TPCN1: variants seen among roughly 807,000 people sequenced by gnomAD.
The protein encoded by TPCN1 is two pore segment channel 1, also known as two pore channel protein 1.
A neutral mutation model predicts 108.8 loss-of-function variants in TPCN1; 52 were observed. That is an observed-to-expected ratio of 0.48 (90% CI 0.38 to 0.60). The LOEUF is 0.60. Among genes scored for constraint, TPCN1 ranks in the 20% least tolerant of loss-of-function variants. The pLI, the probability that TPCN1 is intolerant of heterozygous loss-of-function variation, is 0.00. For synonymous variants in TPCN1, 446 were observed against 433.7 expected (o/e 1.03, Z -0.35); for missense variants, 806 against 1,072.8 (o/e 0.75, Z 3.47).
intron 1 of TPCN1, among the ~76,000 whole-genome samples, chr12:113,223,657 C>T (rs374220971): frequency 9.9e-5 from 15 of 152,198 alleles, no homozygotes; most frequent in East Asian, 1.9e-4. Flanking sequence ...GATTCTCCTG[C>T]TTCAGGCTCC....
intron 3 of TPCN1, among the ~76,000 whole-genome samples, chr12:113,264,742 C>G (rs184878883): frequency 4.3e-4 from 65 of 152,122 alleles, no homozygotes; most frequent in Non-Finnish European, 8.5e-4. Flanking sequence ...CACATTGTAC[C>G]CCATATACAA....
intron 2 of TPCN1, among the ~76,000 whole-genome samples, chr12:113,253,204 G>T (rs911688509): frequency 2.0e-5 from 3 of 152,178 alleles, no homozygotes; most frequent in Admixed American, 6.5e-5. Flanking sequence ...GAGGGCTGTT[G>T]TAAGAACTAA....
chr12:113,256,159 G>T (rs182159648), intron 2 of TPCN1, among the ~76,000 whole-genome samples: 32 of 152,136 alleles, frequency 2.1e-4, no homozygotes, highest in Admixed American at 7.9e-4. Flanking sequence ...TTTTTGTAGA[G>T]ATAGGGTCTC....
intron 2 of TPCN1, among the ~76,000 whole-genome samples, chr12:113,256,411 T>C (rs1247061109): frequency 6.6e-6 from 1 of 152,120 alleles, no homozygotes; most frequent in Non-Finnish European, 1.5e-5. Context: ...ATTCTAAAGT[T>C]TATATGGAAG....
intron 18 of TPCN1, among the ~76,000 whole-genome samples, chr12:113,286,177 G>A (rs768550320): frequency 9.9e-5 from 15 of 152,162 alleles, no homozygotes; most frequent in East Asian, 1.9e-4. Context: ...CACCCACACC[G>A]TCCTTCTGGA....
In TPCN1 at chr12:113,232,849, A is replaced by G. The variant is rs1416375681; in HGVS notation, c.112+5885A>G. ...GTCCTGAACCCAGGCCACGATTCAGATCCTTCTTGCCTCACTCCTGGCACA... is the reference window on the plus strand; with the variant it reads ...GTCCTGAACCCAGGCCACGATTCAGGTCCTTCTTGCCTCACTCCTGGCACA... On this transcript the variant is annotated intron_variant, in intron 2 of 27. Coordinates refer to ENST00000335509, the MANE Select transcript of TPCN1 (RefSeq NM_017901.6). This position sits in a 1 kb window ranked among gnomAD's most constrained non-coding sequence, Gnocchi z 5.6. 6.6e-6 allele frequency among the ~76,000 whole-genome samples: 1 copy of G among 152,150 alleles called. No individual in the cohort carries two copies. The highest frequency in any genetic ancestry group is 1.5e-5 in the Non-Finnish European group (1 of 68,030).
chr12:113,261,353 C>T (rs549047919), intron 3 of TPCN1, among the ~76,000 whole-genome samples: 1 of 141,754 alleles, frequency 7.1e-6, no homozygotes, highest in African/African-American at 2.6e-5. Context: ...ATCTGTTTTC[C>T]AAAAAAGTCA....
intron 1 of TPCN1, among the ~76,000 whole-genome samples, chr12:113,224,974 C>A (rs1384755262): frequency 6.6e-6 from 1 of 151,962 alleles, no homozygotes; most frequent in Admixed American, 6.6e-5. Flanking sequence ...TGGTCTTGAA[C>A]TCCTGAGCTC....
intron 10 of TPCN1, among the ~76,000 whole-genome samples, chr12:113,274,568 G>A (rs946402086): frequency 1.3e-5 from 2 of 152,200 alleles, no homozygotes; most frequent in African/African-American, 4.8e-5. Context: ...TTTGCGGTTG[G>A]TTGAATGCAT....
chr12:113,240,027 C>T (rs915151005), intron 2 of TPCN1, among the ~76,000 whole-genome samples: 5 of 152,032 alleles, frequency 3.3e-5, no homozygotes, highest in African/African-American at 1.2e-4. Flanking sequence ...CTGTGACTCT[C>T]GAGGGGCCTC....
intron 2 of TPCN1, among the ~76,000 whole-genome samples, chr12:113,254,474 T>G (rs1482215021): frequency 1.3e-5 from 2 of 152,202 alleles, no homozygotes; most frequent in East Asian, 3.8e-4. Context: ...ACATCATGAC[T>G]AGGGGGACTT....
chr12:113,235,081 A>G (rs1953833999), intron 2 of TPCN1, among the ~76,000 whole-genome samples: 1 of 152,218 alleles, frequency 6.6e-6, no homozygotes, highest in African/African-American at 2.4e-5. Context: ...TTCCTCTTCC[A>G]GTGGCTTCCA....
chr12:113,271,037 C>T (rs184423227), intron 7 of TPCN1, among the ~76,000 whole-genome samples: 3 of 152,178 alleles, frequency 2.0e-5, no homozygotes, highest in Admixed American at 6.5e-5. Context: ...GCAGGCAGAT[C>T]GCTTGAGTCC....
Position 113,269,232 on chromosome 12 carries a change from A to C in TPCN1, c.659+360A>C, listed in dbSNP as rs556713850. Among the ~76,000 whole-genome samples the C allele has an allele frequency of 6.6e-6, 1 of 152,306 alleles. No homozygotes were observed. The highest frequency in any genetic ancestry group is 1.9e-4 in the East Asian group (1 of 5,192). ...CATCGAGGCTGTAGGACCAAACTCA[A>C]ACCAGACCAAGCCTCGACTGAGATT... On this transcript the variant is annotated intron_variant, in intron 6 of 27. Transcript: ENST00000335509. This position sits in a 1 kb window ranked among gnomAD's most constrained non-coding sequence, Gnocchi z 5.0.
Position 113,285,943 on chromosome 12 carries a change from T to G in TPCN1, c.1508T>G (p.Leu503Trp), listed in dbSNP as rs1395372016. ...GCCGGCCTGGGCCCTGTGGAGTACTTGTCTTCCGGATGGAACTTGTGAGTG... is the reference window on the plus strand; with the variant it reads ...GCCGGCCTGGGCCCTGTGGAGTACTGGTCTTCCGGATGGAACTTGTGAGTG... ...KVAGLGPVEY[L>W]SSGWNLFDFS... Residue 503 changes from leucine (L) to tryptophan (W), a missense_variant, in exon 18 of 28, where the codon TTG (leucine) becomes TGG (tryptophan). Leu to Trp is a moderately conservative substitution (Grantham distance 61, BLOSUM62 -2). Coordinates refer to ENST00000335509, the MANE Select transcript of TPCN1 (RefSeq NM_017901.6). 1 of 1,614,202 alleles carries G rather than the reference T, an allele frequency of 6.2e-7. No homozygotes were observed.
intron 14 of TPCN1, among the ~76,000 whole-genome samples, chr12:113,279,508 C>T (rs1955818740): frequency 6.9e-6 from 1 of 145,772 alleles, no homozygotes; most frequent in Non-Finnish European, 1.5e-5. Context: ...AAGCGATTCT[C>T]CTGCCTCAGC....
rs968879572 is a variant in TPCN1 at position 113,289,331 on chromosome 12, G to A, written c.1796+484G>A. On this transcript the variant is annotated intron_variant, in intron 21 of 27. Transcript: ENST00000335509. This position sits in a 1 kb window ranked among gnomAD's most constrained non-coding sequence, Gnocchi z 4.1. ...CGCCACAGTGAAATCACTGCACACT[G>A]CCATTCATTCATCCTCAATTCAGAG... 2.6e-5 allele frequency among the ~76,000 whole-genome samples: 4 copies of A among 152,226 alleles called. No individual in the cohort carries two copies. Among genetic ancestry groups the A allele is most frequent in the African/African-American group, 9.6e-5 (4 of 41,464 alleles).
chr12:113,280,316 T>A, intron 15 of TPCN1, 121 bp downstream of exon 15: 1 of 721,174 alleles, frequency 1.4e-6, no homozygotes, highest in Non-Finnish European at 2.3e-6. Context: ...TGTGGGGAAT[T>A]CCCAGCATGT....
chr12:113,270,869 A>G lies in TPCN1; in HGVS notation c.748+1024A>G, dbSNP rs374364172. Among the ~76,000 whole-genome samples, 20 of 151,888 alleles carry G rather than the reference A, an allele frequency of 1.3e-4. No homozygotes were observed. In the South Asian group the frequency reaches 4.2e-3, roughly 32 times the overall value. ...CCTCCCACAGCCGCCACCTCCTAAC[A>G]CCCTCAACTTGGGGATTAGGATTTC... On this transcript the variant is annotated intron_variant, in intron 7 of 27. Transcript: ENST00000335509.
Sources: allele counts gnomAD v4.1 joint callset (sites outside exome capture counted in the v4.1 genomes callset), GRCh38; gene constraint gnomAD v4.1.1; non-coding constraint Gnocchi (gnomAD v3.1); transcripts MANE v1.5; gene names NCBI Gene and HGNC (gene_info 2026-07-23, HGNC 2026-07-21).